Variants in CALN1 observed in about 807,000 individuals in gnomAD.
CALN1 encodes calneuron 1, also known as calcium-binding protein 8.
Under a neutral mutation model 30.6 loss-of-function variants are expected in CALN1, and 17 were observed. That is an observed-to-expected ratio of 0.56 (90% confidence interval 0.38 to 0.83). The LOEUF (loss-of-function observed/expected upper bound fraction) is 0.83, where lower values mean the gene tolerates loss of function less well. CALN1 is among the 40% of genes least tolerant of loss of function. The pLI, the probability that CALN1 is intolerant of heterozygous loss-of-function variation, is 0.00. For missense variants in CALN1, 291 were observed against 354.9 expected (o/e 0.82, Z 1.45); for synonymous variants, 156 against 131.4 (o/e 1.19, Z -1.28).
chr7:72,026,880 A>G (rs1227111200), intron 4 of CALN1, among the ~76,000 whole-genome samples: 1 of 151,556 alleles, frequency 6.6e-6, no homozygotes, highest in Non-Finnish European at 1.5e-5. Context: ...GACACCTCTG[A>G]AAGCTAACTC....
chr7:72,338,743 G>A (rs551532195), intron 2 of CALN1, among the ~76,000 whole-genome samples: 1 of 152,132 alleles, frequency 6.6e-6, no homozygotes, highest in South Asian at 2.1e-4. Flanking sequence ...CATGCAATGT[G>A]AAATAAGCTC....
At chr7:72,393,742 CTTTT>C (rs11302119) in intron 2 of CALN1, among the ~76,000 whole-genome samples, 1 of 125,782 alleles carries the variant, frequency 8.0e-6, no homozygotes, top group Non-Finnish European at 1.6e-5. Context: ...GACCATAGAG[CTTTT>C]TTTTTTTTTT....
intron 4 of CALN1, among the ~76,000 whole-genome samples, chr7:72,091,332 AACAG>A (rs1178545806): frequency 6.6e-6 from 1 of 152,200 alleles, no homozygotes; most frequent in Non-Finnish European, 1.5e-5. Context: ...CTCCGTCTCA[AACAG>A]ACAAACAAAC....
intron 2 of CALN1, among the ~76,000 whole-genome samples, chr7:72,281,523 G>T (rs1210754365): frequency 6.6e-6 from 1 of 152,154 alleles, no homozygotes; most frequent in Non-Finnish European, 1.5e-5. Context: ...GAAGACACCT[G>T]CTCTGATATT....
intron 3 of CALN1, among the ~76,000 whole-genome samples, chr7:72,273,715 T>C (rs1461945106): frequency 2.6e-5 from 4 of 151,836 alleles, no homozygotes; most frequent in Non-Finnish European, 5.9e-5. Flanking sequence ...CTCCCTATGT[T>C]GCCCAGGCTG....
At chr7:72,120,743 C>T (rs368988200) in intron 3 of CALN1, among the ~76,000 whole-genome samples, 5 of 152,202 alleles carry the variant, frequency 3.3e-5, no homozygotes, top group South Asian at 2.1e-4. Flanking sequence ...TAGTTCTTGA[C>T]GTTCAAGATC....
intron 5 of CALN1, among the ~76,000 whole-genome samples, chr7:71,983,986 A>G (rs113026801): frequency 0.013 from 1,996 of 152,342 alleles, 47 homozygotes; most frequent in African/African-American, 0.043. Flanking sequence ...AACCGCGCCA[A>G]AAGATAATAG....
chr7:71,831,005 A>G (rs1430509796), intron 5 of CALN1, among the ~76,000 whole-genome samples: 2 of 152,094 alleles, frequency 1.3e-5, no homozygotes, highest in Admixed American at 1.3e-4. Context: ...TGTTCCGGAA[A>G]ATAAAATGAA....
intron 3 of CALN1, among the ~76,000 whole-genome samples, chr7:72,266,595 C>A (rs926251002): frequency 2.0e-5 from 3 of 152,150 alleles, no homozygotes; most frequent in African/African-American, 7.2e-5. Flanking sequence ...ATTCTGACAG[C>A]CTTTGCAGTT....
Position 71,785,190 on chromosome 7 carries a change from C to T in CALN1, c.*2585G>A. 1 of 257,006 alleles carries T rather than the reference C, an allele frequency of 3.9e-6. No individual in the cohort carries two copies. The highest frequency in any genetic ancestry group is 7.3e-6 in the Non-Finnish European group (1 of 136,346). 15.9% of individuals were successfully genotyped at this position (257,006 alleles called of 1,614,324 possible). On this transcript the variant is annotated 3_prime_UTR_variant, in exon 7 of 7. Coordinates refer to ENST00000395275, the MANE Select transcript of CALN1 (RefSeq NM_031468.4). ...CTTCCTTCTTGCCATCTCTCTCTAG[C>T]AGTCTGCAGAGGAATGCATTCTCCT...
chr7:72,481,932 T>C, the CALN1 span, among the ~76,000 whole-genome samples: 2 of 152,218 alleles, frequency 1.3e-5, no homozygotes, highest in Non-Finnish European at 2.9e-5. Context: ...ATCTTTATGA[T>C]CTTTATTGAT....
chr7:72,190,180 A>C (rs542839038), intron 3 of CALN1, among the ~76,000 whole-genome samples: 1 of 152,128 alleles, frequency 6.6e-6, no homozygotes, highest in Admixed American at 6.6e-5. Context: ...ACATGGCAAA[A>C]CCCCGTCTCT....
chr7:71,971,953 A>AAAGAAAGAAAG (rs1797838934), intron 5 of CALN1, among the ~76,000 whole-genome samples: 9 of 72,804 alleles, frequency 1.2e-4, no homozygotes, highest in African/African-American at 4.2e-4. Context: ...AAAAAAAAAA[A>AAAGAAAGAAAG]AAAGAAAGAA....
chr7:72,487,826 AAGAAAGAAAGAG>A, the CALN1 span, among the ~76,000 whole-genome samples: 1 of 138,442 alleles, frequency 7.2e-6, no homozygotes, highest in Admixed American at 7.4e-5. Context: ...GAAAGAGAAA[AAGAAAGAAAGAG>A]AGAAAGAAAA....
the CALN1 span, among the ~76,000 whole-genome samples, chr7:72,498,695 G>A: frequency 6.6e-6 from 1 of 152,114 alleles, no homozygotes; most frequent in Non-Finnish European, 1.5e-5. Context: ...TTTTTAGGCT[G>A]AAGGGAAATA....
intron 4 of CALN1, among the ~76,000 whole-genome samples, chr7:72,077,294 G>A (rs2129538424): frequency 6.6e-6 from 1 of 152,232 alleles, no homozygotes; most frequent in Non-Finnish European, 1.5e-5. Context: ...TTTATTTTGA[G>A]ACGGAGTCTC....
the CALN1 span, among the ~76,000 whole-genome samples, chr7:72,490,454 T>C: frequency 6.6e-6 from 1 of 152,198 alleles, no homozygotes; most frequent in Non-Finnish European, 1.5e-5. Flanking sequence ...GGCCATGTTG[T>C]CTAACTTCTC....
chr7:71,904,530 C>A (rs1201626742), intron 5 of CALN1, among the ~76,000 whole-genome samples: 2 of 152,066 alleles, frequency 1.3e-5, no homozygotes, highest in Non-Finnish European at 2.9e-5. Context: ...TGGTGGTTAT[C>A]AGAGACTGGG....
At chr7:71,988,444 G>A (rs1798788676) in intron 5 of CALN1, among the ~76,000 whole-genome samples, 1 of 152,082 alleles carries the variant, frequency 6.6e-6, no homozygotes, top group African/African-American at 2.4e-5. Context: ...CATAGCCGGT[G>A]CCCCAAGCCC....
Sources: gnomAD v4.1 joint callset for allele counts (sites outside exome capture counted in the v4.1 genomes callset) on GRCh38, gnomAD v4.1.1 for gene constraint, MANE v1.5 for transcripts, NCBI Gene and HGNC (gene_info 2026-07-23, HGNC 2026-07-21) for gene names.